NHERF1: variants seen among roughly 807,000 people sequenced by gnomAD.
NHERF1 encodes Na(+)/H(+) exchange regulatory cofactor NHE-RF1.
the NHERF1 span, among the ~76,000 whole-genome samples, chr17:74,754,964 A>G: frequency 6.6e-6 from 1 of 152,144 alleles, no homozygotes; most frequent in Non-Finnish European, 1.5e-5. Context: ...TTCTCTGCCT[A>G]TGGAGGCTGA....
chr17:74,762,560 G>GTTT, the NHERF1 span, among the ~76,000 whole-genome samples: 2,472 of 147,176 alleles, frequency 0.017, 54 homozygotes, highest in African/African-American at 0.052. The surrounding 1 kb of genome is among the most constrained non-coding windows in gnomAD (Gnocchi z 4.2). Flanking sequence ...TATTTATTTA[G>GTTT]TTTTTTTTTT....
At chr17:74,749,294 G>A in the NHERF1 span, 556 of 1,527,212 alleles carry the variant, frequency 3.6e-4, 3 homozygotes, top group Non-Finnish European at 2.5e-5. This position sits in a 1 kb window ranked among gnomAD's most constrained non-coding sequence, Gnocchi z 5.6. Flanking sequence ...GCAGGTAAGC[G>A]GGGCCCAAGC....
the NHERF1 span, chr17:74,749,113 G>T: frequency 6.3e-7 from 1 of 1,579,034 alleles, no homozygotes; most frequent in South Asian, 1.1e-5. This position sits in a 1 kb window ranked among gnomAD's most constrained non-coding sequence, Gnocchi z 5.6. Context: ...TGCGCCTGCT[G>T]GTGGTCGACC....
At chr17:74,769,132 G>T in the NHERF1 span, 1 of 169,966 alleles carries the variant, frequency 5.9e-6, no homozygotes, top group South Asian at 1.4e-4. Flanking sequence ...TAAGAGTGCA[G>T]TATTGCAGAG....
the NHERF1 span, among the ~76,000 whole-genome samples, chr17:74,749,450 C>T: frequency 3.3e-5 from 5 of 152,180 alleles, no homozygotes; most frequent in African/African-American, 7.2e-5. This position sits in a 1 kb window ranked among gnomAD's most constrained non-coding sequence, Gnocchi z 5.6. Flanking sequence ...CCTGACACAT[C>T]CTAGGCAGGC....
chr17:74,749,469 G>C, the NHERF1 span, among the ~76,000 whole-genome samples: 1 of 152,168 alleles, frequency 6.6e-6, no homozygotes, highest in African/African-American at 2.4e-5. This position sits in a 1 kb window ranked among gnomAD's most constrained non-coding sequence, Gnocchi z 5.6. Flanking sequence ...GCCTGGGGCT[G>C]CGTCCCGCGA....
the NHERF1 span, among the ~76,000 whole-genome samples, chr17:74,758,860 C>T: frequency 6.6e-6 from 1 of 152,196 alleles, no homozygotes; most frequent in Non-Finnish European, 1.5e-5. This position sits in a 1 kb window ranked among gnomAD's most constrained non-coding sequence, Gnocchi z 4.3. Context: ...CAGTGCTGGG[C>T]CTGGAGACCA....
At chr17:74,760,221 C>G in the NHERF1 span, among the ~76,000 whole-genome samples, 4 of 151,994 alleles carry the variant, frequency 2.6e-5, no homozygotes, top group Non-Finnish European at 4.4e-5. This position sits in a 1 kb window ranked among gnomAD's most constrained non-coding sequence, Gnocchi z 4.5. Context: ...GTGGGAGTGC[C>G]GGGGGGTGAG....
chr17:74,748,759 G>A, the NHERF1 span: 1 of 1,243,426 alleles, frequency 8.0e-7, no homozygotes, highest in Non-Finnish European at 1.1e-6. The surrounding 1 kb of genome is among the most constrained non-coding windows in gnomAD (Gnocchi z 4.3). Context: ...CTGCGCTCCC[G>A]GTTCGCTGGA....
chr17:74,762,574 A>T, the NHERF1 span, among the ~76,000 whole-genome samples: 5,821 of 117,338 alleles, frequency 0.05, 195 homozygotes, highest in Admixed American at 0.14. This position sits in a 1 kb window ranked among gnomAD's most constrained non-coding sequence, Gnocchi z 4.2. Context: ...TTTTTTTTTT[A>T]AATGGAGTCT....
the NHERF1 span, among the ~76,000 whole-genome samples, chr17:74,766,099 C>T: frequency 3.3e-5 from 5 of 152,190 alleles, no homozygotes; most frequent in Admixed American, 1.3e-4. Context: ...CCATCTGAGA[C>T]AATACATTTT....
the NHERF1 span, chr17:74,763,534 G>GGA: frequency 6.4e-7 from 1 of 1,574,112 alleles, no homozygotes; most frequent in Non-Finnish European, 8.6e-7. Context: ...AGCCAGGTGG[G>GGA]GCCACTGGCC....
chr17:74,763,099 C>A, the NHERF1 span: 48 of 392,140 alleles, frequency 1.2e-4, no homozygotes, highest in Non-Finnish European at 2.1e-4. Context: ...CGCTCCCATC[C>A]CATCTCTCCC....
At chr17:74,760,250 C>T in the NHERF1 span, among the ~76,000 whole-genome samples, 14 of 152,174 alleles carry the variant, frequency 9.2e-5, no homozygotes, top group Non-Finnish European at 1.6e-4. This position sits in a 1 kb window ranked among gnomAD's most constrained non-coding sequence, Gnocchi z 4.5. Context: ...AGGTGACAGC[C>T]GAACTAGCTG....
chr17:74,760,282 C>A, the NHERF1 span, among the ~76,000 whole-genome samples: 1 of 152,082 alleles, frequency 6.6e-6, no homozygotes, highest in Non-Finnish European at 1.5e-5. The surrounding 1 kb of genome is among the most constrained non-coding windows in gnomAD (Gnocchi z 4.5). Flanking sequence ...TGCAGTGAGG[C>A]AGGGGGTGGG....
the NHERF1 span, chr17:74,748,967 C>T: frequency 6.2e-7 from 1 of 1,607,188 alleles, no homozygotes; most frequent in Non-Finnish European, 8.5e-7. The surrounding 1 kb of genome is among the most constrained non-coding windows in gnomAD (Gnocchi z 4.3). Context: ...GTACATCCGG[C>T]TGGTGGAGCC....
At chr17:74,759,697 G>A in the NHERF1 span, among the ~76,000 whole-genome samples, 1 of 152,268 alleles carries the variant, frequency 6.6e-6, no homozygotes, top group African/African-American at 2.4e-5. Flanking sequence ...ATGCCCTGGA[G>A]AGAGCCCCTG....
At chr17:74,748,658 G>C in the NHERF1 span, 1 of 579,554 alleles carries the variant, frequency 1.7e-6, no homozygotes, top group Non-Finnish European at 3.0e-6. This position sits in a 1 kb window ranked among gnomAD's most constrained non-coding sequence, Gnocchi z 4.3. Context: ...ATTGGTCTGT[G>C]GTCCTCTCTC....
At chr17:74,768,631 A>C in the NHERF1 span, 1 of 1,614,108 alleles carries the variant, frequency 6.2e-7, no homozygotes, top group South Asian at 1.1e-5. Context: ...TGGAGCAAGA[A>C]AAACGAACTC....
Sources: gnomAD v4.1 joint callset for allele counts (sites outside exome capture counted in the v4.1 genomes callset) on GRCh38, gnomAD v4.1.1 for gene constraint, Gnocchi (gnomAD v3.1) non-coding constraint, MANE v1.5 for transcripts, NCBI Gene and HGNC (gene_info 2026-07-23, HGNC 2026-07-21) for gene names.